Variants in DSE observed in about 807,000 individuals in gnomAD.
DSE encodes dermatan-sulfate epimerase.
DSE carries 36 observed loss-of-function variants against 84.4 expected under a neutral mutation model. The observed-to-expected ratio is 0.43, with a 90% confidence interval of 0.33 to 0.56. DSE has a LOEUF of 0.56. Among genes scored for constraint, DSE ranks in the 20% least tolerant of loss-of-function variants. DSE has a pLI of 0.06. For missense variants in DSE, 862 were observed against 1,169.6 expected (o/e 0.74, Z 3.84); for synonymous variants, 410 against 430.1 (o/e 0.95, Z 0.58).
chr6:116,340,140 T>C (rs1014499527), intron 2 of DSE, among the ~76,000 whole-genome samples: 2 of 152,236 alleles, frequency 1.3e-5, no homozygotes, highest in African/African-American at 4.8e-5. Flanking sequence ...TTGTGGTTTG[T>C]TGAGCTTCTT....
chr6:116,408,782 T>C (rs1782104451), intron 2 of DSE, among the ~76,000 whole-genome samples: 1 of 152,238 alleles, frequency 6.6e-6, no homozygotes, highest in African/African-American at 2.4e-5. Flanking sequence ...TGGCCTTCTC[T>C]CCTCCCTGAT....
At chr6:116,379,456 T>C (rs944892333) in intron 1 of DSE, among the ~76,000 whole-genome samples, 2 of 152,206 alleles carry the variant, frequency 1.3e-5, no homozygotes, top group African/African-American at 4.8e-5. Flanking sequence ...AGATTACTCC[T>C]AGTTCTCTTC....
At position 116,436,988 on chromosome 6, in the gene DSE, T is replaced by C; in HGVS notation, c.2520T>C (p.Ala840=). Residue 840 remains alanine (A), a synonymous_variant, in exon 6 of 6, where the codon GCT becomes GCC. Coordinates refer to ENST00000644252, the MANE Select transcript of DSE (RefSeq NM_013352.4). ...ATGAGAAAAAGATTAGACAGAAAGC[T>C]CAGATTTTGGCACAGAAAGAACTAC... ...EVNEKKIRQK[A]QILAQKELPI... 6.2e-7 allele frequency: 1 copy of C among 1,613,912 alleles called. No homozygotes were observed. The highest frequency in any genetic ancestry group is 8.5e-7 in the Non-Finnish European group (1 of 1,179,978).
intron 2 of DSE, among the ~76,000 whole-genome samples, chr6:116,364,153 G>T (rs564311927): frequency 6.6e-6 from 1 of 152,300 alleles, no homozygotes; most frequent in South Asian, 2.1e-4. Context: ...TCTAAGGAAT[G>T]CTGTGTTTTT....
chr6:116,430,188 G>C (rs891136466), intron 3 of DSE, among the ~76,000 whole-genome samples: 1 of 152,126 alleles, frequency 6.6e-6, no homozygotes, highest in Non-Finnish European at 1.5e-5. Context: ...CCTTTCCAGT[G>C]GTTTCTCAGC....
At position 116,294,147 on chromosome 6, in the gene DSE, C is replaced by T. The variant is rs145434593; in HGVS notation, c.-54+35180C>T. Among the ~76,000 whole-genome samples the T allele has an allele frequency of 1.2e-3, 176 of 152,116 alleles. 1 individual carries two copies. Among genetic ancestry groups the T allele is most frequent in the African/African-American group, 4.0e-3 (168 of 41,522 alleles). On this transcript the variant is annotated intron_variant, in intron 2 of 3. Transcript: ENST00000430252. ...CAAGCAATCCTCCCACCTCAGCTTC[C>T]CAAGTAGCTAGGACTACAGGCATGT...
intron 2 of DSE, among the ~76,000 whole-genome samples, chr6:116,340,493 T>A (rs1583047837): frequency 6.6e-6 from 1 of 152,252 alleles, no homozygotes; most frequent in East Asian, 1.9e-4. Flanking sequence ...TCATTTTTTT[T>A]ATTATTATTA....
intron 1 of DSE, among the ~76,000 whole-genome samples, chr6:116,389,102 C>A (rs1780739158): frequency 6.6e-6 from 1 of 152,154 alleles, no homozygotes; most frequent in Non-Finnish European, 1.5e-5. Context: ...GTTGGACTGA[C>A]CTCGATGTTC....
chr6:116,373,960 A>T (rs145902590), intron 1 of DSE, among the ~76,000 whole-genome samples: 1 of 152,244 alleles, frequency 6.6e-6, no homozygotes, highest in Non-Finnish European at 1.5e-5. Context: ...AAAAAGAAAA[A>T]ATATTTAAAT....
intron 2 of DSE, chr6:116,280,128 C>CCCA (rs1164068400): frequency 4.2e-6 from 2 of 471,038 alleles, no homozygotes; most frequent in Non-Finnish European, 8.1e-6. Context: ...GCGCGGACGA[C>CCCA]CCACCTTGAG....
At chr6:116,384,999 T>C (rs931338974) in intron 1 of DSE, among the ~76,000 whole-genome samples, 2 of 152,212 alleles carry the variant, frequency 1.3e-5, no homozygotes, top group East Asian at 3.8e-4. Context: ...CAGACCTCAC[T>C]GAGAGAGTGA....
At chr6:116,325,503 T>C (rs1411420189) in intron 2 of DSE, among the ~76,000 whole-genome samples, 1 of 152,212 alleles carries the variant, frequency 6.6e-6, no homozygotes, top group Non-Finnish European at 1.5e-5. Context: ...CATCCCCAGA[T>C]TTCTTGCAAC....
chr6:116,268,022 G>A (rs1772710323), intron 2 of DSE, among the ~76,000 whole-genome samples: 1 of 152,176 alleles, frequency 6.6e-6, no homozygotes, highest in Non-Finnish European at 1.5e-5. Context: ...AGATTTGGGT[G>A]GGGACACAGA....
chr6:116,388,247 C>G (rs1355944608), intron 1 of DSE, among the ~76,000 whole-genome samples: 1 of 152,134 alleles, frequency 6.6e-6, no homozygotes, highest in Non-Finnish European at 1.5e-5. Flanking sequence ...GAACTAGGAC[C>G]ACTGTTGGTG....
At chr6:116,283,164 T>C (rs895115443) in intron 2 of DSE, among the ~76,000 whole-genome samples, 1 of 152,228 alleles carries the variant, frequency 6.6e-6, no homozygotes, top group African/African-American at 2.4e-5. Context: ...GTGCTAGGCA[T>C]TTTACATGCA....
At chr6:116,416,286 T>A (rs1393044377) in intron 2 of DSE, among the ~76,000 whole-genome samples, 1 of 152,034 alleles carries the variant, frequency 6.6e-6, no homozygotes, top group Non-Finnish European at 1.5e-5. Flanking sequence ...GAAGGTAATG[T>A]ATGCACAGTT....
At chr6:116,277,391 A>G (rs1461935553) in intron 2 of DSE, 2 of 152,576 alleles carry the variant, frequency 1.3e-5, no homozygotes, top group African/African-American at 4.8e-5. Context: ...TCTAGGCCCA[A>G]TTTTTACCTG....
intron 2 of DSE, chr6:116,276,632 G>T (rs1361050954): frequency 6.6e-6 from 1 of 151,884 alleles, no homozygotes; most frequent in African/African-American, 2.4e-5. Context: ...AACTTTAATG[G>T]ATTAAAGGAC....
intron 2 of DSE, among the ~76,000 whole-genome samples, chr6:116,313,885 G>T (rs999764946): frequency 6.6e-6 from 1 of 152,100 alleles, no homozygotes; most frequent in Non-Finnish European, 1.5e-5. Flanking sequence ...GACTCACTAT[G>T]CCAATAATCT....
Sources: gnomAD v4.1 joint callset for allele counts (sites outside exome capture counted in the v4.1 genomes callset) on GRCh38, gnomAD v4.1.1 for gene constraint, MANE v1.5 for transcripts, NCBI Gene and HGNC (gene_info 2026-07-23, HGNC 2026-07-21) for gene names.